Variants in AGAP1 observed in about 807,000 individuals in gnomAD.
AGAP1 encodes the protein ArfGAP with GTPase domain, ankyrin repeat and PH domain 1.
A neutral mutation model predicts 105.3 loss-of-function variants in AGAP1; 29 were observed. The ratio of observed to expected loss-of-function variants is 0.28; its 90% CI spans 0.21 to 0.38. The LOEUF (loss-of-function observed/expected upper bound fraction) is 0.38. AGAP1 is among the 10% of genes least tolerant of loss of function. AGAP1 has a pLI of 1.00. For synonymous variants in AGAP1, 509 were observed against 485.9 expected (o/e 1.05, Z -0.63); for missense variants, 998 against 1,165.1 (o/e 0.86, Z 2.09).
At chr2:235,948,998 A>G (rs2053616825) in intron 12 of AGAP1, among the ~76,000 whole-genome samples, 2 of 152,204 alleles carry the variant, frequency 1.3e-5, no homozygotes, top group Non-Finnish European at 2.9e-5. Context: ...GTTTAGTTAG[A>G]TTAAGCGAAT....
In AGAP1 at chr2:235,639,188, G is replaced by C. The variant is rs1334483246; in HGVS notation, c.164-69991G>C. Among the ~76,000 whole-genome samples the C allele has an allele frequency of 6.6e-6, 1 of 152,176 alleles. No homozygotes were observed. The highest frequency in any genetic ancestry group is 1.9e-4 in the East Asian group (1 of 5,178). ...GATGATAGTGGCCCACAGGTTGAGA[G>C]AGGGGATGGGTTCAGCTTTGGCCAT... On this transcript the variant is annotated intron_variant, in intron 1 of 17. Transcript: ENST00000304032. The surrounding 1 kb of genome is among the most constrained non-coding windows in gnomAD (Gnocchi z 5.3).
chr2:235,758,807 T>TGTTTG (rs1954153860), intron 6 of AGAP1, among the ~76,000 whole-genome samples: 2 of 152,130 alleles, frequency 1.3e-5, no homozygotes, highest in African/African-American at 4.8e-5. Context: ...GTTTTTGTTT[T>TGTTTG]GTTTTGAGAC....
intron 10 of AGAP1, among the ~76,000 whole-genome samples, chr2:235,884,315 TATC>T (rs2050166271): frequency 6.6e-6 from 1 of 152,160 alleles, no homozygotes; most frequent in Admixed American, 6.5e-5. Flanking sequence ...AACCTGAGAG[TATC>T]ATCCTCTATA....
intron 13 of AGAP1, among the ~76,000 whole-genome samples, chr2:236,008,534 T>C (rs889890919): frequency 2.0e-5 from 3 of 152,248 alleles, no homozygotes; most frequent in Non-Finnish European, 4.4e-5. Context: ...CTTGGTGTTG[T>C]ACTGAAATAC....
chr2:235,544,969 G>A (rs1234094829), intron 1 of AGAP1, among the ~76,000 whole-genome samples: 3 of 152,122 alleles, frequency 2.0e-5, no homozygotes, highest in Non-Finnish European at 4.4e-5. Flanking sequence ...TATTCTAACG[G>A]GGTAAGGCGT....
At chr2:235,849,375 G>A (rs1350214645) in intron 9 of AGAP1, among the ~76,000 whole-genome samples, 1 of 152,202 alleles carries the variant, frequency 6.6e-6, no homozygotes, top group Admixed American at 6.5e-5. Context: ...TTTTGTGAAT[G>A]TCTCTCCAAG....
intron 3 of AGAP1, among the ~76,000 whole-genome samples, chr2:235,717,990 A>G (rs1273789105): frequency 6.6e-6 from 1 of 152,162 alleles, no homozygotes; most frequent in East Asian, 1.9e-4. Context: ...TGGATATTGA[A>G]TTTATACATA....
chr2:236,109,511 G>A lies in AGAP1; in HGVS notation c.2115-10681G>A, dbSNP rs1396072026. Among the ~76,000 whole-genome samples the A allele has an allele frequency of 6.6e-6, 1 of 152,208 alleles. No individual in the cohort carries two copies. The highest frequency in any genetic ancestry group is 6.5e-5 in the Admixed American group (1 of 15,276). ...GATGATCTAGATCCGTGCATCCTCTGTAATGGCAGAAGTGTTCTCGATCAG... is the reference window on the plus strand; with the variant it reads ...GATGATCTAGATCCGTGCATCCTCTATAATGGCAGAAGTGTTCTCGATCAG... On this transcript the variant is annotated intron_variant, in intron 16 of 17. Coordinates refer to ENST00000304032, the MANE Select transcript of AGAP1 (RefSeq NM_001037131.3). This position sits in a 1 kb window ranked among gnomAD's most constrained non-coding sequence, Gnocchi z 5.4.
rs1321913112 is a variant in AGAP1, at chr2:235,551,901, G to A, written c.163+57052G>A. 6.6e-6 allele frequency among the ~76,000 whole-genome samples: 1 copy of A among 152,226 alleles called. No homozygotes were observed. Among genetic ancestry groups the A allele is most frequent in the Non-Finnish European group, 1.5e-5 (1 of 68,042 alleles). On this transcript the variant is annotated intron_variant, in intron 1 of 17. Coordinates refer to ENST00000304032, the MANE Select transcript of AGAP1 (RefSeq NM_001037131.3). This position sits in a 1 kb window ranked among gnomAD's most constrained non-coding sequence, Gnocchi z 4.8. The stretch of plus-strand genomic sequence containing the variant: ...TGGAGGCGGCCACTGCTGTCTTTCA[G>A]CTGTGAGGAGCCAGGAGGGCGATCC...
In AGAP1 at chr2:235,753,781, C is replaced by G. The variant is rs1012647015; in HGVS notation, c.673+3293C>G. 8.6e-5 allele frequency among the ~76,000 whole-genome samples: 13 copies of G among 151,416 alleles called. No homozygotes were observed. The highest frequency in any genetic ancestry group is 3.2e-4 in the African/African-American group (13 of 41,170). ...GAAGCTACAACTTCCGTGACTATTG[C>G]GATTTTTTTGTCCTTAAAATATTTT... On this transcript the variant is annotated intron_variant, in intron 6 of 17. Coordinates refer to ENST00000304032, the MANE Select transcript of AGAP1 (RefSeq NM_001037131.3). The surrounding 1 kb of genome is among the most constrained non-coding windows in gnomAD (Gnocchi z 4.5).
At position 235,877,092 on chromosome 2, in the gene AGAP1, G is replaced by A. The variant is rs1038438715; in HGVS notation, c.1051-6253G>A. Among the ~76,000 whole-genome samples, 3 of 151,824 alleles carry A rather than the reference G, an allele frequency of 2.0e-5. No homozygotes were observed. The highest frequency in any genetic ancestry group is 2.9e-5 in the Non-Finnish European group (2 of 67,994). On this transcript the variant is annotated intron_variant, in intron 9 of 17. Transcript: ENST00000304032. The surrounding 1 kb of genome is among the most constrained non-coding windows in gnomAD (Gnocchi z 4.3). ...AAACTCCTGACCTCATGATCCACCC[G>A]CCTCGGCCTCCCAAAGTGCTGGAAT...
rs1408359774 is a variant in AGAP1, at chr2:235,988,156, C to T, written c.1645+19533C>T. ...CTCCAAAGTTCAAGTGATTCTCCTG[C>T]TTCAGCCTCCCGAGTAGATGGGGTT... On this transcript the variant is annotated intron_variant, in intron 13 of 17. Transcript: ENST00000304032. The surrounding 1 kb of genome is among the most constrained non-coding windows in gnomAD (Gnocchi z 4.7). 7.2e-5 allele frequency among the ~76,000 whole-genome samples: 11 copies of T among 152,286 alleles called. No homozygotes were observed. The East Asian group carries it at 1.9e-3, about 27-fold the overall frequency.
intron 9 of AGAP1, among the ~76,000 whole-genome samples, chr2:235,829,741 C>T (rs113735438): frequency 2.6e-5 from 4 of 152,164 alleles, no homozygotes; most frequent in African/African-American, 9.7e-5. Context: ...CTGATGGTAT[C>T]GTCCATCCTT....
intron 8 of AGAP1, among the ~76,000 whole-genome samples, chr2:235,804,967 G>A (rs966026477): frequency 6.6e-6 from 1 of 152,190 alleles, no homozygotes; most frequent in Non-Finnish European, 1.5e-5. Context: ...TCCCAAGTTA[G>A]CAGAGAAAGG....
At chr2:235,585,061 GTAGCTCTGGCCTTTTTCTT>G (rs1398095138) in intron 1 of AGAP1, among the ~76,000 whole-genome samples, 3 of 151,974 alleles carry the variant, frequency 2.0e-5, no homozygotes, top group Non-Finnish European at 2.9e-5. Flanking sequence ...TGGATATCTT[GTAGCTCTGGCCTTTTTCTT>G]TAGCTCTGGT....
At chr2:235,911,074 T>C (rs1031234782) in intron 11 of AGAP1, among the ~76,000 whole-genome samples, 1 of 152,240 alleles carries the variant, frequency 6.6e-6, no homozygotes, top group Non-Finnish European at 1.5e-5. Context: ...TTGAGTTTCA[T>C]TTTTATAATT....
chr2:235,871,380 C>T (rs1181617877), intron 9 of AGAP1, among the ~76,000 whole-genome samples: 1 of 152,202 alleles, frequency 6.6e-6, no homozygotes, highest in Non-Finnish European at 1.5e-5. Flanking sequence ...TGTGCAGGCT[C>T]ACGAGGCACT....
At chr2:235,548,983 C>G (rs535928991) in intron 1 of AGAP1, among the ~76,000 whole-genome samples, 1 of 152,200 alleles carries the variant, frequency 6.6e-6, no homozygotes, top group South Asian at 2.1e-4. Flanking sequence ...TGCTCTGGAG[C>G]GGACCTGCCC....
intron 9 of AGAP1, among the ~76,000 whole-genome samples, chr2:235,810,343 A>G (rs1958067372): frequency 6.6e-6 from 1 of 152,146 alleles, no homozygotes; most frequent in Admixed American, 6.5e-5. Flanking sequence ...AGCCCATGTG[A>G]AAGACTCGGG....
Sources: gnomAD v4.1 joint callset for allele counts (sites outside exome capture counted in the v4.1 genomes callset) on GRCh38, gnomAD v4.1.1 for gene constraint, Gnocchi (gnomAD v3.1) non-coding constraint, MANE v1.5 for transcripts, NCBI Gene and HGNC (gene_info 2026-07-23, HGNC 2026-07-21) for gene names.